CERKL: variants seen among roughly 807,000 people sequenced by gnomAD.
CERKL encodes CERK like autophagy regulator, also known as ceramide kinase-like protein.
A neutral mutation model predicts 63.4 loss-of-function variants in CERKL; 61 were observed. That is an observed-to-expected ratio of 0.96 (90% CI 0.78 to 1.19). The LOEUF (loss-of-function observed/expected upper bound fraction) is 1.19. Among genes scored for constraint, CERKL ranks in the 50% most tolerant of loss-of-function variants. The pLI, the probability that CERKL is intolerant of heterozygous loss-of-function variation, is 0.00. For missense variants in CERKL, 675 were observed against 655.5 expected (o/e 1.03, Z -0.33); for synonymous variants, 250 against 230.5 (o/e 1.08, Z -0.77).
chr2:181,555,610 G>A (rs1239337381), intron 5 of CERKL, among the ~76,000 whole-genome samples: 5 of 151,718 alleles, frequency 3.3e-5, no homozygotes, highest in Admixed American at 3.3e-4. Flanking sequence ...AATGAATAGG[G>A]TTATCAAAAT....
chr2:181,585,276 G>A (rs1684712589), intron 2 of CERKL, among the ~76,000 whole-genome samples: 1 of 151,912 alleles, frequency 6.6e-6, no homozygotes, highest in Admixed American at 6.6e-5. Context: ...AATAGTGTCT[G>A]GCACACAGTA....
chr2:181,629,161 T>C (rs1357858619), intron 1 of CERKL, among the ~76,000 whole-genome samples: 1 of 152,214 alleles, frequency 6.6e-6, no homozygotes, highest in East Asian at 1.9e-4. Context: ...CCTATGATTT[T>C]ATATAAGAAT....
chr2:181,566,683 A>ACAGGCCCACCAGAGCT (rs1212141909), intron 3 of CERKL, among the ~76,000 whole-genome samples: 1 of 152,186 alleles, frequency 6.6e-6, no homozygotes, highest in African/African-American at 2.4e-5. Context: ...AGGGTGGCAC[A>ACAGGCCCACCAGAGCT]CAGGCCCACC....
chr2:181,627,531 T>C (rs1686764783), intron 1 of CERKL, among the ~76,000 whole-genome samples: 1 of 152,190 alleles, frequency 6.6e-6, no homozygotes, highest in Admixed American at 6.5e-5. Context: ...TTTGTACTCA[T>C]CCTAAAAACT....
At chr2:181,562,265 C>T (rs180709634) in intron 4 of CERKL, among the ~76,000 whole-genome samples, 156 of 152,242 alleles carry the variant, frequency 1.0e-3, no homozygotes, top group Non-Finnish European at 2.8e-4. Context: ...CATGATATCC[C>T]GCCTCTCTGG....
At chr2:181,625,253 C>T (rs538968251) in intron 1 of CERKL, among the ~76,000 whole-genome samples, 10 of 151,386 alleles carry the variant, frequency 6.6e-5, no homozygotes, top group Non-Finnish European at 1.0e-4. Flanking sequence ...CTGACCTTGA[C>T]GAGTAAGCTG....
At chr2:181,618,305 T>A (rs926190312) in intron 1 of CERKL, among the ~76,000 whole-genome samples, 2 of 151,872 alleles carry the variant, frequency 1.3e-5, no homozygotes, top group African/African-American at 4.8e-5. Flanking sequence ...TTTGAAAAAA[T>A]TTAAAATAGA....
rs1341030517 is a variant in CERKL, at chr2:181,656,984, T to C, written c.23A>G (p.Asn8Ser). ...GCCGCCCTCCAGGGCACTCACCCGG[T>C]TCCTGCGCCTCCTCCAGGGCATGGC... MPWRRRR[N>S]RVSALEGGRE... Residue 8 changes from asparagine to serine, a missense_variant, in exon 1 of 13, where the codon AAC becomes AGC. By Grantham distance (46) the Asn-to-Ser change is conservative. Coordinates refer to ENST00000410087, the MANE Select transcript of CERKL (RefSeq NM_201548.5). 1 of 1,581,660 alleles carries C rather than the reference T, an allele frequency of 6.3e-7. No individual in the cohort carries two copies. Among genetic ancestry groups the C allele is most frequent in the African/African-American group, 1.4e-5 (1 of 73,854 alleles).
chr2:181,620,559 G>A (rs1466992882), intron 1 of CERKL, among the ~76,000 whole-genome samples: 2 of 152,190 alleles, frequency 1.3e-5, no homozygotes, highest in Non-Finnish European at 2.9e-5. Flanking sequence ...CTCGGCACAG[G>A]CAGATCTGTG....
In CERKL at chr2:181,550,441, TGA is replaced by T. The variant is rs148042377; in HGVS notation, c.821-735_821-734del. Among the ~76,000 whole-genome samples, 1 of 152,296 alleles carries T rather than the reference TGA, an allele frequency of 6.6e-6. No individual in the cohort carries two copies. Among genetic ancestry groups the T allele is most frequent in the African/African-American group, 2.4e-5 (1 of 41,578 alleles). On this transcript the variant is annotated intron_variant, in intron 5 of 12. Coordinates refer to ENST00000410087, the MANE Select transcript of CERKL (RefSeq NM_201548.5). This position sits in a 1 kb window ranked among gnomAD's most constrained non-coding sequence, Gnocchi z 4.5. ...TTAATGTTTATGTGTAACTGAAATC[TGA>T]GATACAGGGGACTATACCAGCTAGC...
At chr2:181,640,918 G>T (rs1005474352) in intron 1 of CERKL, among the ~76,000 whole-genome samples, 2 of 152,156 alleles carry the variant, frequency 1.3e-5, no homozygotes, top group African/African-American at 4.8e-5. Flanking sequence ...AGCCCCAGAG[G>T]GCCCCATCCG....
intron 2 of CERKL, among the ~76,000 whole-genome samples, chr2:181,600,875 G>A (rs2105889927): frequency 6.6e-6 from 1 of 152,274 alleles, no homozygotes; most frequent in African/African-American, 2.4e-5. Context: ...GACATCTGCA[G>A]AATATTCCAC....
rs1289018002 is a variant in CERKL at position 181,565,330 on chromosome 2, C to T, written c.677+728G>A. 3.7e-6 allele frequency: 3 copies of T among 814,538 alleles called. No individual in the cohort carries two copies. The South Asian group carries it at 4.2e-5, about 11-fold the overall frequency. 50.5% of individuals were successfully genotyped at this position (814,538 alleles called of 1,614,324 possible). A position where few individuals can be genotyped will look rare whatever the true frequency, so the allele number is the denominator to read the frequency against. The stretch of plus-strand genomic sequence containing the variant: ...TATCTACTCACGTAAAAAGAACTTC[C>T]CTAAAGGAATATAATATGTTTTAGT... On this transcript the variant is annotated intron_variant, in intron 4 of 12. Coordinates refer to ENST00000410087, the MANE Select transcript of CERKL (RefSeq NM_201548.5).
chr2:181,602,524 C>T (rs181852210), intron 2 of CERKL, among the ~76,000 whole-genome samples: 4 of 152,240 alleles, frequency 2.6e-5, no homozygotes, highest in Admixed American at 2.0e-4. Context: ...GGGTTCTTGT[C>T]TTCTTGAAAT....
At chr2:181,641,287 G>GTATATATGTGTATGCATATATATATATA in intron 1 of CERKL, among the ~76,000 whole-genome samples, 1 of 124,928 alleles carries the variant, frequency 8.0e-6, no homozygotes, top group African/African-American at 3.0e-5. Context: ...GTGTATATAT[G>GTATATATGTGTATGCATATATATATATA]TATATATGTG....
intron 1 of CERKL, chr2:181,649,953 C>T (rs1484901783): frequency 6.5e-6 from 1 of 152,872 alleles, no homozygotes; most frequent in East Asian, 1.9e-4. Flanking sequence ...GGCACAGTGA[C>T]ACACACCTGT....
In CERKL at chr2:181,539,135, C is replaced by A; in HGVS notation, c.1495G>T (p.Val499Leu). ...TASENCFPWN[V>L]DGDLMEVASE... is the part of the protein sequence containing the mutation. The stretch of plus-strand genomic sequence containing the variant: ...GCAACTTCCATTAAGTCACCATCTA[C>A]ATTCCAAGGGAAACAATTTTCTGAA... Residue 499 changes from valine to leucine, a missense_variant, in exon 12 of 13, where the codon GTA (valine) becomes TTA (leucine). Transcript: ENST00000410087. 2 of 1,608,902 alleles carry A rather than the reference C, an allele frequency of 1.2e-6. No individual in the cohort carries two copies. The highest frequency in any genetic ancestry group is 1.7e-6 in the Non-Finnish European group (2 of 1,175,444).
chr2:181,543,997 A>AAAG (rs1553512763), intron 11 of CERKL, among the ~76,000 whole-genome samples: 18 of 151,214 alleles, frequency 1.2e-4, no homozygotes, highest in African/African-American at 3.4e-4. Flanking sequence ...AAAAAAAAAA[A>AAAG]AAAGAAAGAA....
In CERKL at chr2:181,539,156, C is replaced by A. The variant is rs1246097351; in HGVS notation, c.1474G>T (p.Glu492Ter). ...TCTACATTCCAAGGGAAACAATTTT[C>A]TGAAGCAGTTTCATCCTCCTCCTCC... ...PEEEEDETAS[E>*]NCFPWNVDGD... Residue 492 changes from glutamate to a stop codon, truncating the protein, a stop_gained, in exon 12 of 13, where the codon GAA (glutamate) becomes TAA (stop). Transcript: ENST00000410087. LOFTEE classifies it high-confidence loss of function. The A allele has an allele frequency of 6.2e-7, 1 of 1,610,190 alleles. No homozygotes were observed. The highest frequency in any genetic ancestry group is 8.5e-7 in the Non-Finnish European group (1 of 1,176,592).
Sources: gnomAD v4.1 joint callset for allele counts (sites outside exome capture counted in the v4.1 genomes callset) on GRCh38, gnomAD v4.1.1 for gene constraint, Gnocchi (gnomAD v3.1) non-coding constraint, MANE v1.5 for transcripts, NCBI Gene and HGNC (gene_info 2026-07-23, HGNC 2026-07-21) for gene names.